ZNF57: variants seen among roughly 807,000 people sequenced by gnomAD.
ZNF57 encodes the protein zinc finger protein 424.
ZNF57 carries 11 observed loss-of-function variants against 13.4 expected under a neutral mutation model. The observed-to-expected ratio is 0.82, with a 90% CI of 0.52 to 1.36. The LOEUF is 1.36. Among genes scored for constraint, ZNF57 ranks in the 40% most tolerant of loss-of-function variants. The pLI is 0.00. For synonymous variants in ZNF57, 224 were observed against 238.5 expected, an observed-to-expected ratio of 0.94 and a Z score of 0.56; for missense variants, 696 against 667.5, an observed-to-expected ratio of 1.04 and a Z score of -0.47.
chr19:2,917,821 T>G lies in ZNF57; in HGVS notation c.1200T>G (p.Ala400=). Residue 400 remains alanine (A), a synonymous_variant, in exon 4 of 4, where the codon GCT becomes GCG. Coordinates refer to ENST00000306908, the MANE Select transcript of ZNF57 (RefSeq NM_173480.3). ...QLYKCEQCGK[A]FTSSRSFRGH... is the part of the protein sequence containing the mutation. Reference sequence around the variant, plus strand: ...ATAAATGTGAACAATGTGGGAAGGCTTTTACCTCTTCCAGATCATTCCGAG... The same window carrying G: ...ATAAATGTGAACAATGTGGGAAGGCGTTTACCTCTTCCAGATCATTCCGAG... 1.3e-6 allele frequency: 2 copies of G among 1,588,688 alleles called. No homozygotes were observed. The highest frequency in any genetic ancestry group is 1.7e-6 in the Non-Finnish European group (2 of 1,169,668).
At position 2,903,641 on chromosome 19, in the gene ZNF57, G is replaced by A. The variant is rs117485882; in HGVS notation, c.3+2593G>A. ...CTGCCCCCAGGGTAACCACTGTCCTGATTTTTTTTTTCATTCTCTCTACCT... is the reference window on the plus strand; with the variant it reads ...CTGCCCCCAGGGTAACCACTGTCCTAATTTTTTTTTTCATTCTCTCTACCT... On this transcript the variant is annotated intron_variant, in intron 1 of 3. Coordinates refer to ENST00000306908, the MANE Select transcript of ZNF57 (RefSeq NM_173480.3). Among the ~76,000 whole-genome samples the A allele has an allele frequency of 9.6e-3, 1,458 of 152,108 alleles. 15 individuals are homozygous for A. Among genetic ancestry groups the A allele is most frequent in the South Asian group, 0.041 (197 of 4,824 alleles).
intron 1 of ZNF57, among the ~76,000 whole-genome samples, chr19:2,905,696 C>T (rs1228423189): frequency 1.4e-5 from 2 of 144,098 alleles, no homozygotes; most frequent in African/African-American, 2.6e-5. Flanking sequence ...ACCCAGGAGA[C>T]GGAGGTTGCA....
Position 2,904,515 on chromosome 19 carries a change from TTTTG to T in ZNF57, c.3+3475_3+3478del, listed in dbSNP as rs558956268. Among the ~76,000 whole-genome samples, 30 of 152,106 alleles carry T rather than the reference TTTTG, an allele frequency of 2.0e-4. No homozygotes were observed. The South Asian group carries it at 3.5e-3, about 18-fold the overall frequency. The stretch of plus-strand genomic sequence containing the variant: ...CACCACCACACCCAGCCAAAGTTTT[TTTTG>T]TTTGTTTCTTTGTTTTTGTTTGTTT... On this transcript the variant is annotated intron_variant, in intron 1 of 3. Transcript: ENST00000306908.
At chr19:2,901,607 G>A (rs1340978360) in intron 1 of ZNF57, among the ~76,000 whole-genome samples, 2 of 151,822 alleles carry the variant, frequency 1.3e-5, no homozygotes, top group East Asian at 3.9e-4. Context: ...TGCAACTTCC[G>A]CCTCCCGGGT....
chr19:2,906,054 T>C (rs1345319787), intron 1 of ZNF57, among the ~76,000 whole-genome samples: 1 of 152,174 alleles, frequency 6.6e-6, no homozygotes, highest in Admixed American at 6.5e-5. Context: ...TCCATGATGA[T>C]TGTTTTATAT....
In ZNF57 at chr19:2,916,188, G is replaced by A. The variant is rs769462741; in HGVS notation, c.241G>A (p.Ala81Thr). 1.2e-6 allele frequency: 2 copies of A among 1,613,862 alleles called. No homozygotes were observed. The highest frequency in any genetic ancestry group is 1.1e-5 in the South Asian group (1 of 91,046). Residue 81 changes from alanine to threonine, a missense_variant, in exon 3 of 4, where the codon GCC becomes ACC. Ala to Thr is a moderately conservative substitution (Grantham distance 58). Coordinates refer to ENST00000306908, the MANE Select transcript of ZNF57 (RefSeq NM_173480.3). ...AAACTTCACAGGAAATAATTCCTGT[G>A]CCTACACTTTAGAAAAAAATTGTGA... ...IPNFTGNNSCAYTLEKNCEGY... is the reference protein window; with the variant it reads ...IPNFTGNNSCTYTLEKNCEGY...
chr19:2,907,993 C>T (rs996744944), intron 1 of ZNF57, among the ~76,000 whole-genome samples: 2 of 152,206 alleles, frequency 1.3e-5, no homozygotes, highest in Admixed American at 1.3e-4. Flanking sequence ...GGATTATGGG[C>T]ATGAACCACC....
chr19:2,908,714 C>T lies in ZNF57; in HGVS notation c.4-6808C>T, dbSNP rs142706767. On this transcript the variant is annotated intron_variant, in intron 1 of 3. Coordinates refer to ENST00000306908, the MANE Select transcript of ZNF57 (RefSeq NM_173480.3). Reference sequence around the variant, plus strand: ...CACTGCGCCCGGCCATTGGTTTTTACAGTCACAGAATCCTGCAACCAAGAC... The same window carrying T: ...CACTGCGCCCGGCCATTGGTTTTTATAGTCACAGAATCCTGCAACCAAGAC... Among the ~76,000 whole-genome samples the T allele has an allele frequency of 1.6e-3, 249 of 151,992 alleles. 2 individuals are homozygous for T. Among genetic ancestry groups the T allele is most frequent in the African/African-American group, 5.8e-3 (239 of 41,460 alleles).
At chr19:2,911,099 A>G (rs181849092) in intron 1 of ZNF57, among the ~76,000 whole-genome samples, 55 of 151,802 alleles carry the variant, frequency 3.6e-4, no homozygotes, top group Admixed American at 3.1e-3. Flanking sequence ...GTCTTGCTCT[A>G]TCAGCCAGGT....
chr19:2,903,888 TG>T (rs2088050862), intron 1 of ZNF57, among the ~76,000 whole-genome samples: 1 of 152,046 alleles, frequency 6.6e-6, no homozygotes, highest in African/African-American at 2.4e-5. Flanking sequence ...GCTAATTTTT[TG>T]TATTTTTAGT....
Position 2,917,552 on chromosome 19 carries a change from A to G in ZNF57, c.931A>G (p.Lys311Glu). Residue 311 changes from lysine (K) to glutamate (E), a missense_variant, in exon 4 of 4, where the codon AAG (lysine) becomes GAG (glutamate). Lys to Glu is a moderately conservative substitution (Grantham distance 56). This residue lies in a region of ZNF57 where 645 missense variants were observed against 591.5 expected (regional missense o/e 1.09). Coordinates refer to ENST00000306908, the MANE Select transcript of ZNF57 (RefSeq NM_173480.3). ...CACGGGAGAGAAGCCCTATGAATGCAAGCAGTGTGGGAAAACATTCAGTTG... is the reference window on the plus strand; with the variant it reads ...CACGGGAGAGAAGCCCTATGAATGCGAGCAGTGTGGGAAAACATTCAGTTG... ...THTGEKPYEC[K>E]QCGKTFSWSE... 6.2e-7 allele frequency: 1 copy of G among 1,614,104 alleles called. No homozygotes were observed. Among genetic ancestry groups the G allele is most frequent in the Non-Finnish European group, 8.5e-7 (1 of 1,179,982 alleles).
rs553906949 is a variant in ZNF57, at chr19:2,913,155, T to G, written c.4-2367T>G. ...TTTTAGTAGAGACGGGGTTTCACCA[T>G]ATTGGCTCAGCTGGTCTCAAACTGC... is the stretch of plus-strand genomic sequence containing the variant. On this transcript the variant is annotated intron_variant, in intron 1 of 3. Transcript: ENST00000306908. 1.2e-4 allele frequency among the ~76,000 whole-genome samples: 19 copies of G among 152,300 alleles called. No homozygotes were observed. The East Asian group carries it at 1.9e-3, about 15-fold the overall frequency.
intron 1 of ZNF57, chr19:2,912,322 A>G (rs777058650): frequency 1.3e-5 from 2 of 152,218 alleles, no homozygotes; most frequent in Non-Finnish European, 2.9e-5. Flanking sequence ...TTTTAAGGGA[A>G]AGGCCCGGTG....
intron 1 of ZNF57, among the ~76,000 whole-genome samples, chr19:2,906,069 C>A (rs938967084): frequency 1.3e-5 from 2 of 152,056 alleles, no homozygotes; most frequent in African/African-American, 4.8e-5. Context: ...TTATATCCTT[C>A]ATTAGATATA....
In ZNF57 at chr19:2,917,194, TGAG is replaced by T. The variant is rs1418037591; in HGVS notation, c.577_579del (p.Glu193del). On this transcript the variant is annotated inframe_deletion, in exon 4 of 4. Transcript: ENST00000306908. ...TACACAGTCACGGAAGAACTGACAC[TGAG>T]GAGAAGCCGTATAAGTGTCAAGCAT... 6.2e-7 allele frequency: 1 copy of T among 1,614,198 alleles called. No individual in the cohort carries two copies. Among genetic ancestry groups the T allele is most frequent in the South Asian group, 1.1e-5 (1 of 91,086 alleles).
chr19:2,907,561 G>A (rs148385096), intron 1 of ZNF57, among the ~76,000 whole-genome samples: 66 of 152,166 alleles, frequency 4.3e-4, no homozygotes, highest in African/African-American at 1.2e-3. Context: ...CCATTGGTTC[G>A]TTTGTCCATC....
intron 1 of ZNF57, among the ~76,000 whole-genome samples, chr19:2,903,459 T>A (rs2088046205): frequency 6.6e-6 from 1 of 151,956 alleles, no homozygotes; most frequent in African/African-American, 2.4e-5. Context: ...TGATCCACCC[T>A]CCTCCGCCTC....
intron 1 of ZNF57, among the ~76,000 whole-genome samples, chr19:2,907,562 T>C (rs1479457420): frequency 6.6e-6 from 1 of 152,236 alleles, no homozygotes; most frequent in Non-Finnish European, 1.5e-5. Flanking sequence ...CATTGGTTCG[T>C]TTGTCCATCC....
chr19:2,917,680 T>A lies in ZNF57; in HGVS notation c.1059T>A (p.Gly353=), dbSNP rs371508209. The part of the protein sequence containing the change: ...KAFTSSRSFQ[G]HLRTHTGEKP... Reference sequence around the variant, plus strand: ...TTACCTCTTCCAGATCATTCCAAGGTCATTTGAGGACGCACACTGGAGAGA... The same window carrying A: ...TTACCTCTTCCAGATCATTCCAAGGACATTTGAGGACGCACACTGGAGAGA... Residue 353 remains glycine (G), a synonymous_variant, in exon 4 of 4, where the codon GGT becomes GGA. Transcript: ENST00000306908. 3 of 1,612,588 alleles carry A rather than the reference T, an allele frequency of 1.9e-6. No homozygotes were observed. In the African/African-American group the frequency reaches 4.0e-5, roughly 22 times the overall value.
Sources: allele counts gnomAD v4.1 joint callset (sites outside exome capture counted in the v4.1 genomes callset), GRCh38; gene constraint gnomAD v4.1.1; regional missense constraint gnomAD v4.1.1; transcripts MANE v1.5; gene names NCBI Gene and HGNC (gene_info 2026-07-23, HGNC 2026-07-21).